The following CADM2 variants were observed in gnomAD, a reference collection of about 807,000 sequenced individuals.
CADM2 encodes the protein immunoglobulin superfamily member 4D.
Under a neutral mutation model 49.8 loss-of-function variants are expected in CADM2, and 12 were observed. The observed-to-expected ratio is 0.24, with a 90% CI of 0.15 to 0.39. The LOEUF is 0.39. CADM2 is among the 10% of genes least tolerant of loss of function. CADM2 has a pLI of 1.00. For synonymous variants in CADM2, 214 were observed against 175.4 expected (o/e 1.22, Z -1.74); for missense variants, 378 against 492.3 (o/e 0.77, Z 2.20).
intron 1 of CADM2, among the ~76,000 whole-genome samples, chr3:85,577,379 GAGTAGGCTTATTATAAA>G (rs1392809807): frequency 6.6e-6 from 1 of 152,134 alleles, no homozygotes; most frequent in African/African-American, 2.4e-5. Context: ...GTTCTAGAGA[GAGTAGGCTTATTATAAA>G]AGCAAGTTAG....
At chr3:85,903,763 C>G (rs1396919754) in intron 5 of CADM2, among the ~76,000 whole-genome samples, 1 of 152,160 alleles carries the variant, frequency 6.6e-6, no homozygotes, top group Non-Finnish European at 1.5e-5. Context: ...GTTAAGCTCT[C>G]TGCTTACGTT....
intron 1 of CADM2, among the ~76,000 whole-genome samples, chr3:84,978,139 A>C (rs950689948): frequency 3.3e-5 from 5 of 152,156 alleles, no homozygotes; most frequent in African/African-American, 1.2e-4. Context: ...AATCTAAAGT[A>C]CTTCCTTGAC....
chr3:85,208,778 C>T (rs1287063529), intron 1 of CADM2, among the ~76,000 whole-genome samples: 1 of 152,106 alleles, frequency 6.6e-6, no homozygotes, highest in Non-Finnish European at 1.5e-5. Flanking sequence ...TGCCAAGTCC[C>T]CTCAGCTGCA....
chr3:85,680,205 A>G (rs1036775508), intron 1 of CADM2, among the ~76,000 whole-genome samples: 1 of 152,032 alleles, frequency 6.6e-6, no homozygotes. Context: ...GTCAATCTAG[A>G]TTAGTGAAAA....
chr3:85,740,533 C>T (rs1369991363), intron 2 of CADM2, among the ~76,000 whole-genome samples: 1 of 151,852 alleles, frequency 6.6e-6, no homozygotes, highest in Non-Finnish European at 1.5e-5. Context: ...TTTGCACCGT[C>T]TGTCTTGTTT....
chr3:85,173,791 C>A lies in CADM2; in HGVS notation c.61+214123C>A, dbSNP rs1261649235. ...AAAAATGATTTCTTTCCAAATAATG[C>A]CCAATTCTTCTGTATGTAGTATCCA... is the stretch of plus-strand genomic sequence containing the variant. On this transcript the variant is annotated intron_variant, in intron 1 of 9. Transcript: ENST00000383699. Among the ~76,000 whole-genome samples, 3 of 152,114 alleles carry A rather than the reference C, an allele frequency of 2.0e-5. No individual in the cohort carries two copies. In the East Asian group the frequency reaches 5.8e-4, roughly 29 times the overall value.
chr3:85,876,586 T>G (rs1206471229), intron 3 of CADM2, among the ~76,000 whole-genome samples: 1 of 152,170 alleles, frequency 6.6e-6, no homozygotes, highest in South Asian at 2.1e-4. Flanking sequence ...TGGAATATGA[T>G]TTTTTGTCAT....
intron 1 of CADM2, among the ~76,000 whole-genome samples, chr3:84,966,324 A>ATT (rs1354304203): frequency 2.0e-5 from 3 of 152,078 alleles, no homozygotes; most frequent in African/African-American, 7.2e-5. Flanking sequence ...GTATGTCATT[A>ATT]TTTTTAAGAC....
chr3:85,968,410 G>A (rs1255039159), intron 8 of CADM2, among the ~76,000 whole-genome samples: 2 of 151,490 alleles, frequency 1.3e-5, no homozygotes, highest in African/African-American at 4.8e-5. Flanking sequence ...ATATGTCTCT[G>A]TTTTAAGATG....
intron 1 of CADM2, among the ~76,000 whole-genome samples, chr3:85,530,226 A>G (rs562315240): frequency 2.0e-5 from 3 of 150,416 alleles, no homozygotes; most frequent in East Asian, 1.9e-4. Context: ...CACATAAGAC[A>G]TGTCTCTTCC....
chr3:85,629,958 A>C (rs1158938857), intron 1 of CADM2, among the ~76,000 whole-genome samples: 2 of 152,042 alleles, frequency 1.3e-5, no homozygotes, highest in Non-Finnish European at 2.9e-5. Context: ...TCAAATGCTC[A>C]TTAAGTGTTT....
intron 1 of CADM2, among the ~76,000 whole-genome samples, chr3:85,075,586 A>G (rs1241417378): frequency 6.6e-6 from 1 of 152,118 alleles, no homozygotes; most frequent in African/African-American, 2.4e-5. Context: ...CATTTACTTA[A>G]TATTCTCAGT....
intron 1 of CADM2, among the ~76,000 whole-genome samples, chr3:85,308,739 G>A (rs1057181636): frequency 6.6e-6 from 1 of 151,876 alleles, no homozygotes; most frequent in Non-Finnish European, 1.5e-5. Flanking sequence ...GTTCTAGTTC[G>A]TCTCCACTTA....
chr3:85,543,479 T>C (rs1440479586), intron 1 of CADM2, among the ~76,000 whole-genome samples: 1 of 151,380 alleles, frequency 6.6e-6, no homozygotes, highest in Non-Finnish European at 1.5e-5. Flanking sequence ...AAACGGGGTT[T>C]TACCATGTTG....
chr3:85,311,353 A>G (rs1366898037), intron 1 of CADM2, among the ~76,000 whole-genome samples: 2 of 147,176 alleles, frequency 1.4e-5, no homozygotes, highest in South Asian at 2.1e-4. Context: ...ATTTTTATTT[A>G]TTTATTTATA....
intron 1 of CADM2, among the ~76,000 whole-genome samples, chr3:85,283,810 G>A (rs2106901130): frequency 6.6e-6 from 1 of 152,250 alleles, no homozygotes; most frequent in African/African-American, 2.4e-5. Flanking sequence ...AAGGATTAGT[G>A]AGGAATTTGA....
chr3:85,133,909 G>A (rs1275625707), intron 1 of CADM2, among the ~76,000 whole-genome samples: 1 of 152,222 alleles, frequency 6.6e-6, no homozygotes, highest in African/African-American at 2.4e-5. Context: ...CGTGGAGCAG[G>A]GGGCGGCGCT....
chr3:85,637,909 A>G (rs1344524020), intron 1 of CADM2, among the ~76,000 whole-genome samples: 2 of 152,198 alleles, frequency 1.3e-5, no homozygotes, highest in African/African-American at 2.4e-5. Context: ...GAAGCCAAAT[A>G]TAATTAAGTC....
At chr3:85,245,517 A>G (rs2042627217) in intron 1 of CADM2, among the ~76,000 whole-genome samples, 1 of 151,534 alleles carries the variant, frequency 6.6e-6, no homozygotes. Flanking sequence ...TCTCAAAAAA[A>G]AAAAAGATAA....
Sources: gnomAD v4.1 joint callset for allele counts (sites outside exome capture counted in the v4.1 genomes callset) on GRCh38, gnomAD v4.1.1 for gene constraint, MANE v1.5 for transcripts, NCBI Gene and HGNC (gene_info 2026-07-23, HGNC 2026-07-21) for gene names.